The following ZFPM1 variants were observed in gnomAD, a reference collection of about 807,000 sequenced individuals.
ZFPM1 encodes the protein zinc finger protein, FOG family member 1, also known as zinc finger protein ZFPM1.
Under a neutral mutation model 46.3 loss-of-function variants are expected in ZFPM1, and 28 were observed. The ratio of observed to expected loss-of-function variants is 0.60; its 90% confidence interval spans 0.45 to 0.83. The LOEUF (loss-of-function observed/expected upper bound fraction) is 0.83, where lower values mean the gene tolerates loss of function less well. Ranked by LOEUF, ZFPM1 falls within the 40% of genes least tolerant of loss-of-function variation. The probability of loss-of-function intolerance (pLI) is 0.00; values close to 1 mark genes in which losing one functional copy is unlikely to be tolerated. For missense variants in ZFPM1, 1,878 were observed against 1,432.4 expected (o/e 1.31, Z -5.02); for synonymous variants, 957 against 675.9 (o/e 1.42, Z -6.45).
Position 88,517,273 on chromosome 16 carries a change from G to C in ZFPM1, c.402+2753G>C, listed in dbSNP as rs1300539429. Among the ~76,000 whole-genome samples, 3 of 145,084 alleles carry C rather than the reference G, an allele frequency of 2.1e-5. No homozygotes were observed. In the South Asian group the frequency reaches 6.7e-4, roughly 33 times the overall value. ...GGATGGATGGATGGATGGATGTGTG[G>C]TTGGAGGGCTGGGTGGATGAGTGGG... is the stretch of plus-strand genomic sequence containing the variant. On this transcript the variant is annotated intron_variant, in intron 4 of 9. Coordinates refer to ENST00000319555, the MANE Select transcript of ZFPM1 (RefSeq NM_153813.3).
At chr16:88,527,946 C>T (rs1912474920) in intron 5 of ZFPM1, 86 bp from the exon 6 acceptor site, 1 of 1,387,316 alleles carries the variant, frequency 7.2e-7, no homozygotes, top group South Asian at 1.4e-5. Context: ...TGGCCGCTCT[C>T]CTGACCCCAT....
At chr16:88,482,543 C>A (rs1908995833) in intron 1 of ZFPM1, among the ~76,000 whole-genome samples, 1 of 152,178 alleles carries the variant, frequency 6.6e-6, no homozygotes, top group Non-Finnish European at 1.5e-5. Context: ...CATCCCAGCA[C>A]CTCCCTGGGT....
At chr16:88,461,675 T>G (rs1159395165) in intron 1 of ZFPM1, among the ~76,000 whole-genome samples, 1 of 152,170 alleles carries the variant, frequency 6.6e-6, no homozygotes, top group African/African-American at 2.4e-5. Flanking sequence ...CCCTGAGGGT[T>G]GGACGTTAAG....
intron 1 of ZFPM1, 50 bp downstream of exon 1, chr16:88,453,728 G>A: frequency 8.9e-7 from 1 of 1,123,660 alleles, no homozygotes; most frequent in Non-Finnish European, 1.1e-6. Flanking sequence ...ACCCCCGCCG[G>A]AGCCCAGCCG....
Position 88,471,928 on chromosome 16 carries a change from G to A in ZFPM1, c.41-14011G>A, listed in dbSNP as rs1051102894. 1.3e-5 allele frequency among the ~76,000 whole-genome samples: 2 copies of A among 152,250 alleles called. No homozygotes were observed. Among genetic ancestry groups the A allele is most frequent in the Non-Finnish European group, 2.9e-5 (2 of 68,040 alleles). On this transcript the variant is annotated intron_variant, in intron 1 of 9. Coordinates refer to ENST00000319555, the MANE Select transcript of ZFPM1 (RefSeq NM_153813.3). The surrounding 1 kb of genome is among the most constrained non-coding windows in gnomAD (Gnocchi z 4.1). ...GACCTGCAGGTCCGCAAGAGCCTTG[G>A]GTGGGCCGGGGCAGGGGCCGTGTGG...
intron 3 of ZFPM1, among the ~76,000 whole-genome samples, chr16:88,500,469 G>GT (rs1461607180): frequency 6.6e-6 from 1 of 152,254 alleles, no homozygotes; most frequent in African/African-American, 2.4e-5. Flanking sequence ...CACCACCAGC[G>GT]TGGGCACCGT....
At chr16:88,494,044 C>G (rs1909782591) in intron 3 of ZFPM1, among the ~76,000 whole-genome samples, 1 of 152,202 alleles carries the variant, frequency 6.6e-6, no homozygotes, top group South Asian at 2.1e-4. Context: ...AAAGCCACAG[C>G]CGCAGGAAGC....
In ZFPM1 at chr16:88,534,418, G is replaced by A. The variant is rs1418275031; in HGVS notation, c.2460G>A (p.Thr820=). The A allele has an allele frequency of 2.0e-6, 3 of 1,489,864 alleles. No homozygotes were observed. The highest frequency in any genetic ancestry group is 2.5e-5 in the South Asian group (2 of 81,464). The allele number at this position is 1,489,864 out of a possible 1,614,324, so 92.3% of individuals were successfully genotyped here. A position where few individuals can be genotyped will look rare whatever the true frequency, so the allele number is the denominator to read the frequency against. ...APALADYHEC[T]ACRVSFHSLE... is the part of the protein sequence containing the mutation. The stretch of plus-strand genomic sequence containing the variant: ...CGCTGGCCGACTACCACGAGTGCAC[G>A]GCCTGCCGCGTGAGCTTCCACAGCC... Residue 820 remains threonine, a synonymous_variant, in exon 10 of 10, where the codon ACG becomes ACA. Transcript: ENST00000319555.
At chr16:88,485,833 C>G in intron 1 of ZFPM1, 106 bp from the exon 2 acceptor site, 1 of 1,031,446 alleles carries the variant, frequency 9.7e-7, no homozygotes, top group South Asian at 1.4e-5. Flanking sequence ...CCACCCATTG[C>G]CATTTCCGCC....
At chr16:88,508,207 G>A (rs1162741316) in intron 3 of ZFPM1, among the ~76,000 whole-genome samples, 1 of 152,226 alleles carries the variant, frequency 6.6e-6, no homozygotes, top group Non-Finnish European at 1.5e-5. Flanking sequence ...TGAGATGGGA[G>A]AATCGCTTGA....
chr16:88,501,724 G>A lies in ZFPM1; in HGVS notation c.268+12571G>A, dbSNP rs771337082. ...CCCGCAGGTGCTCTTGATGATGGAG[G>A]TAACGGGTGTGGGTGCCGGGCCCTC... On this transcript the variant is annotated intron_variant, in intron 3 of 9. Transcript: ENST00000319555. 1.7e-4 allele frequency among the ~76,000 whole-genome samples: 22 copies of A among 127,434 alleles called. 1 individual carries two copies. The highest frequency in any genetic ancestry group is 5.8e-4 in the African/African-American group (18 of 30,774). 83.6% of individuals were successfully genotyped at this position (127,434 alleles called of 152,430 possible).
chr16:88,507,961 G>C (rs1910751774), intron 3 of ZFPM1, among the ~76,000 whole-genome samples: 1 of 152,174 alleles, frequency 6.6e-6, no homozygotes, highest in Admixed American at 6.5e-5. Context: ...ACCTAAAAAG[G>C]GGATCACAGG....
At chr16:88,463,083 C>T (rs1907973047) in intron 1 of ZFPM1, among the ~76,000 whole-genome samples, 1 of 152,228 alleles carries the variant, frequency 6.6e-6, no homozygotes, top group South Asian at 2.1e-4. Context: ...CCGCCTCCTG[C>T]CCCAACTTCC....
At chr16:88,468,402 TAAG>T (rs1908256200) in intron 1 of ZFPM1, among the ~76,000 whole-genome samples, 1 of 151,986 alleles carries the variant, frequency 6.6e-6, no homozygotes, top group Admixed American at 6.5e-5. Context: ...CAGCCAAAAA[TAAG>T]AAGTCGCTCT....
rs1160790663 is a variant in ZFPM1, at chr16:88,533,815, C to A, written c.1857C>A (p.Pro619=). 7.7e-6 allele frequency: 8 copies of A among 1,035,978 alleles called. No individual in the cohort carries two copies. The highest frequency in any genetic ancestry group is 9.3e-4 in the Middle Eastern group (2 of 2,162). The allele number at this position is 1,035,978 out of a possible 1,614,324, so 64.2% of individuals were successfully genotyped here. The change falls in exon 10 of 10, where the codon CCC becomes CCA. Residue 619 remains proline, a synonymous_variant. Transcript: ENST00000319555. Reference sequence around the variant, plus strand: ...CCGCGCGCAGGCCCAAGGCGCCCCCCGGCCCGGCCCGCGCGCCCCCCGGCC... The same window carrying A: ...CCGCGCGCAGGCCCAAGGCGCCCCCAGGCCCGGCCCGCGCGCCCCCCGGCC... ...APAARRPKAP[P]GPARAPPGQP...
chr16:88,495,668 G>A (rs1027025147), intron 3 of ZFPM1, among the ~76,000 whole-genome samples: 25 of 152,166 alleles, frequency 1.6e-4, no homozygotes, highest in Admixed American at 3.3e-4. Flanking sequence ...GTGAGGAGGC[G>A]GCCTCAGAGG....
intron 3 of ZFPM1, among the ~76,000 whole-genome samples, chr16:88,514,137 A>G (rs538419038): frequency 6.6e-6 from 1 of 152,204 alleles, no homozygotes; most frequent in South Asian, 2.1e-4. Flanking sequence ...CGACCATCGC[A>G]GGGCTCACAG....
At chr16:88,504,412 C>G (rs945081424) in intron 3 of ZFPM1, among the ~76,000 whole-genome samples, 1 of 152,122 alleles carries the variant, frequency 6.6e-6, no homozygotes, top group African/African-American at 2.4e-5. Flanking sequence ...CAAATCAGCT[C>G]CCTCTCCCCA....
intron 2 of ZFPM1, among the ~76,000 whole-genome samples, chr16:88,487,695 C>A (rs572999095): frequency 6.6e-6 from 1 of 152,258 alleles, no homozygotes; most frequent in Non-Finnish European, 1.5e-5. Flanking sequence ...GGGCCGCGGC[C>A]CCAAGAGCCC....
Sources: gnomAD v4.1 joint callset for allele counts (sites outside exome capture counted in the v4.1 genomes callset) on GRCh38, gnomAD v4.1.1 for gene constraint, Gnocchi (gnomAD v3.1) non-coding constraint, MANE v1.5 for transcripts, NCBI Gene and HGNC (gene_info 2026-07-23, HGNC 2026-07-21) for gene names.